Variants in PCSK2 observed in about 807,000 individuals in gnomAD.
PCSK2 encodes the protein neuroendocrine convertase 2.
In PCSK2, 14 loss-of-function variants were observed where a neutral mutation model predicts 69.7. The ratio of observed to expected loss-of-function variants is 0.20; its 90% CI spans 0.13 to 0.31. The LOEUF is 0.31. Among genes scored for constraint, PCSK2 ranks in the 10% least tolerant of loss-of-function variants. The probability of loss-of-function intolerance (pLI) is 1.00; values close to 1 mark genes in which losing one functional copy is unlikely to be tolerated. For missense variants in PCSK2, 544 were observed against 842.5 expected, an observed-to-expected ratio of 0.65 and a Z score of 4.39; for synonymous variants, 307 against 320.7, an observed-to-expected ratio of 0.96 and a Z score of 0.46.
At chr20:17,424,470 A>C (rs1431788387) in intron 6 of PCSK2, among the ~76,000 whole-genome samples, 1 of 152,112 alleles carries the variant, frequency 6.6e-6, no homozygotes, top group Non-Finnish European at 1.5e-5. Context: ...GTAAAGATTT[A>C]TGTTGTTTCT....
intron 2 of PCSK2, among the ~76,000 whole-genome samples, chr20:17,319,384 CAG>C (rs1385410069): frequency 6.6e-6 from 1 of 152,116 alleles, no homozygotes; most frequent in African/African-American, 2.4e-5. Flanking sequence ...CTGATGGTGT[CAG>C]TAGGAGCCGA....
chr20:17,476,886 T>C (rs2033300309), intron 11 of PCSK2, among the ~76,000 whole-genome samples: 1 of 152,216 alleles, frequency 6.6e-6, no homozygotes, highest in Admixed American at 6.5e-5. Context: ...AATGCCTGCT[T>C]TCCACCAAAT....
intron 5 of PCSK2, among the ~76,000 whole-genome samples, chr20:17,397,179 T>C (rs1336532035): frequency 6.6e-6 from 1 of 152,230 alleles, no homozygotes; most frequent in East Asian, 1.9e-4. Context: ...ATACATTGTT[T>C]CTTTCCAGGA....
Position 17,465,431 on chromosome 20 carries a change from G to A in PCSK2, c.1308G>A (p.Leu436=). 6.2e-7 allele frequency: 1 copy of A among 1,614,100 alleles called. No homozygotes were observed. The highest frequency in any genetic ancestry group is 8.5e-7 in the Non-Finnish European group (1 of 1,179,992). Residue 436 remains leucine (L), a synonymous_variant, in exon 11 of 12, where the codon CTG becomes CTA. Transcript: ENST00000262545. ...VHQWRRNGVG[L]EFNHLFGYGV... The stretch of plus-strand genomic sequence containing the variant: ...AGTGGCGGCGCAATGGGGTCGGCCT[G>A]GAATTTAATCACCTCTTTGGCTACG...
At chr20:17,390,916 G>T (rs1307590616) in intron 5 of PCSK2, among the ~76,000 whole-genome samples, 1 of 151,906 alleles carries the variant, frequency 6.6e-6, no homozygotes, top group Non-Finnish European at 1.5e-5. Flanking sequence ...ACAGTACACC[G>T]TATCATGCAA....
chr20:17,267,120 C>T (rs1007621181), intron 2 of PCSK2, among the ~76,000 whole-genome samples: 1 of 152,152 alleles, frequency 6.6e-6, no homozygotes, highest in African/African-American at 2.4e-5. Context: ...GCTCCCCATC[C>T]ACCCCTGCTG....
In PCSK2 at chr20:17,449,845, G is replaced by A. The variant is rs146165017; in HGVS notation, c.886-3897G>A. Among the ~76,000 whole-genome samples, 773 of 151,588 alleles carry A rather than the reference G, an allele frequency of 5.1e-3. 5 individuals are homozygous for A. Among genetic ancestry groups the A allele is most frequent in the Middle Eastern group, 0.024 (7 of 290 alleles). On this transcript the variant is annotated intron_variant, in intron 8 of 11. Transcript: ENST00000262545. ...CCTGGCACATTTATATATTAACATA[G>A]GGAAAATTGACATCTCTGTGATCCT...
intron 10 of PCSK2, among the ~76,000 whole-genome samples, chr20:17,457,921 C>T (rs1011380233): frequency 1.3e-5 from 2 of 152,180 alleles, no homozygotes; most frequent in Admixed American, 6.5e-5. Flanking sequence ...GATCCATAGG[C>T]ACACAAATGG....
rs545084336 is a variant in PCSK2, at chr20:17,256,311, G to T, written c.178-3929G>T. On this transcript the variant is annotated intron_variant, in intron 1 of 11. Transcript: ENST00000262545. ...TTAGATATGGTTTCTTTGAACATAT[G>T]TCTGGGTATAGTGATATCTATATAT... 2.0e-5 allele frequency among the ~76,000 whole-genome samples: 3 copies of T among 152,130 alleles called. No individual in the cohort carries two copies. In the South Asian group the frequency reaches 6.2e-4, roughly 32 times the overall value.
chr20:17,466,042 A>G (rs920924276), intron 11 of PCSK2, among the ~76,000 whole-genome samples: 3 of 152,156 alleles, frequency 2.0e-5, no homozygotes, highest in African/African-American at 7.2e-5. Context: ...CACCATTTAC[A>G]TAGAACACAG....
chr20:17,412,582 A>T (rs973124198), intron 6 of PCSK2, among the ~76,000 whole-genome samples: 1 of 152,234 alleles, frequency 6.6e-6, no homozygotes, highest in Admixed American at 6.5e-5. Flanking sequence ...GACAGGGAGA[A>T]TGGAACCAAG....
At chr20:17,255,965 A>C (rs1038512674) in intron 1 of PCSK2, among the ~76,000 whole-genome samples, 2 of 152,168 alleles carry the variant, frequency 1.3e-5, no homozygotes, top group Non-Finnish European at 2.9e-5. Context: ...AGGGTGACAC[A>C]GGCCTCAATG....
chr20:17,303,457 A>AATATATATTATATTT (rs1568593357), intron 2 of PCSK2, among the ~76,000 whole-genome samples: 1 of 60,020 alleles, frequency 1.7e-5, no homozygotes, highest in Non-Finnish European at 3.2e-5. Flanking sequence ...ATATTATATT[A>AATATATATTATATTT]AATATAATAT....
rs554938869 is a variant in PCSK2, at chr20:17,411,679, C to G, written c.620+2340C>G. Among the ~76,000 whole-genome samples, 96 of 152,334 alleles carry G rather than the reference C, an allele frequency of 6.3e-4. 1 individual carries two copies. Among genetic ancestry groups the G allele is most frequent in the African/African-American group, 2.3e-3 (94 of 41,578 alleles). ...GAGGGCAGTGGTTCTCCCAGCATGG[C>G]ATTTGAGCTCTGAGAATGGACAGAC... is the stretch of plus-strand genomic sequence containing the variant. On this transcript the variant is annotated intron_variant, in intron 6 of 11. Coordinates refer to ENST00000262545, the MANE Select transcript of PCSK2 (RefSeq NM_002594.5).
At chr20:17,473,335 G>T (rs74181961) in intron 11 of PCSK2, among the ~76,000 whole-genome samples, 3 of 151,928 alleles carry the variant, frequency 2.0e-5, no homozygotes, top group Admixed American at 1.3e-4. Context: ...CTCGTGTTCC[G>T]ACCCCTCGGC....
intron 2 of PCSK2, among the ~76,000 whole-genome samples, chr20:17,352,461 A>T (rs1436471466): frequency 6.6e-6 from 1 of 152,228 alleles, no homozygotes; most frequent in African/African-American, 2.4e-5. Context: ...TTGTAAGCCT[A>T]CAGTAATCAA....
At chr20:17,303,025 A>G (rs1989138051) in intron 2 of PCSK2, among the ~76,000 whole-genome samples, 1 of 151,576 alleles carries the variant, frequency 6.6e-6, no homozygotes, top group Non-Finnish European at 1.5e-5. Flanking sequence ...TAAATCTATA[A>G]TCCATTTTTC....
rs1052395980 is a variant in PCSK2 at position 17,267,098 on chromosome 20, G to A, written c.282+6754G>A. 4.6e-5 allele frequency among the ~76,000 whole-genome samples: 7 copies of A among 152,100 alleles called. No homozygotes were observed. In the South Asian group the frequency reaches 6.2e-4, roughly 14 times the overall value. The stretch of plus-strand genomic sequence containing the variant: ...TGGCTTCCCAGATCAGGAGCTCTCC[G>A]TGCCCAATCCAGCTCCCCATCCACC... On this transcript the variant is annotated intron_variant, in intron 2 of 11. Coordinates refer to ENST00000262545, the MANE Select transcript of PCSK2 (RefSeq NM_002594.5).
At position 17,451,915 on chromosome 20, in the gene PCSK2, C is replaced by CTTTTTT. The variant is rs34323701; in HGVS notation, c.886-1811_886-1806dup. Among the ~76,000 whole-genome samples the CTTTTTT allele has an allele frequency of 4.4e-4, 45 of 101,598 alleles. 1 individual carries two copies. Among genetic ancestry groups the CTTTTTT allele is most frequent in the Non-Finnish European group, 6.0e-4 (31 of 52,004 alleles). The allele number at this position is 101,598 out of a possible 152,430, so 66.7% of individuals were successfully genotyped here. A position where few individuals can be genotyped will look rare whatever the true frequency, so the allele number is the denominator to read the frequency against. Reference sequence around the variant, plus strand: ...TGTGAAACACATCAGTTGTACTTTGCTTTTTTTTTTTTTTTTTTTTTGAGA... The same window carrying CTTTTTT: ...TGTGAAACACATCAGTTGTACTTTGCTTTTTTTTTTTTTTTTTTTTTTTTTTTGAGA... On this transcript the variant is annotated intron_variant, in intron 8 of 11. Transcript: ENST00000262545.
Sources: allele counts gnomAD v4.1 joint callset (sites outside exome capture counted in the v4.1 genomes callset), GRCh38; gene constraint gnomAD v4.1.1; transcripts MANE v1.5; gene names NCBI Gene and HGNC (gene_info 2026-07-23, HGNC 2026-07-21).